CSGALNACT1: variants seen among roughly 807,000 people sequenced by gnomAD.
The protein encoded by CSGALNACT1 is chondroitin sulfate N-acetylgalactosaminyltransferase 1.
A neutral mutation model predicts 51.0 loss-of-function variants in CSGALNACT1; 52 were observed. The observed-to-expected ratio is 1.02, with a 90% CI of 0.82 to 1.29. CSGALNACT1 has a LOEUF of 1.29. Among genes scored for constraint, CSGALNACT1 ranks in the 50% most tolerant of loss-of-function variants. The pLI is 0.00. For missense variants in CSGALNACT1, 935 were observed against 679.2 expected, an observed-to-expected ratio of 1.38 and a Z score of -4.19; for synonymous variants, 341 against 254.4, an observed-to-expected ratio of 1.34 and a Z score of -3.24.
At chr8:19,601,360 C>A (rs1327624047) in intron 2 of CSGALNACT1, among the ~76,000 whole-genome samples, 2 of 152,162 alleles carry the variant, frequency 1.3e-5, no homozygotes, top group Non-Finnish European at 2.9e-5. Flanking sequence ...ATTAGAGTAC[C>A]TATTTGATGA....
At chr8:19,616,952 G>T (rs563631559) in intron 1 of CSGALNACT1, among the ~76,000 whole-genome samples, 1 of 152,160 alleles carries the variant, frequency 6.6e-6, no homozygotes, top group African/African-American at 2.4e-5. Flanking sequence ...CTCATTTCAC[G>T]TACTGTGCAC....
chr8:19,704,243 T>C lies in CSGALNACT1; in HGVS notation c.-297+53607A>G, dbSNP rs527396210. ...GCTGCCAAAGGAGAAAGAAGAAAGG[T>C]AACAGGGCATTTGAATCACAGACCC... On this transcript the variant is annotated intron_variant, in intron 1 of 1. Coordinates refer to the CSGALNACT1 transcript ENST00000517494. Among the ~76,000 whole-genome samples, 6 of 152,244 alleles carry C rather than the reference T, an allele frequency of 3.9e-5. No homozygotes were observed. In the East Asian group the frequency reaches 1.2e-3, roughly 29 times the overall value.
intron 4 of CSGALNACT1, among the ~76,000 whole-genome samples, chr8:19,490,872 G>A (rs1024162116): frequency 3.3e-5 from 5 of 152,112 alleles, no homozygotes; most frequent in Non-Finnish European, 1.5e-5. Context: ...TTCCCAGGCA[G>A]CAGGAAGGAA....
chr8:19,535,263 C>G (rs1254315778), intron 3 of CSGALNACT1, among the ~76,000 whole-genome samples: 1 of 152,038 alleles, frequency 6.6e-6, no homozygotes, highest in Non-Finnish European at 1.5e-5. Flanking sequence ...TCTCTAGAAG[C>G]CTGAAAATTT....
At chr8:19,701,826 G>A (rs1170909257) in intron 1 of CSGALNACT1, among the ~76,000 whole-genome samples, 2 of 152,120 alleles carry the variant, frequency 1.3e-5, no homozygotes, top group Non-Finnish European at 2.9e-5. Context: ...TCTGGTTCCA[G>A]AATCCATGCT....
At chr8:19,488,831 C>A (rs1440725999) in intron 4 of CSGALNACT1, among the ~76,000 whole-genome samples, 1 of 152,112 alleles carries the variant, frequency 6.6e-6, no homozygotes, top group Non-Finnish European at 1.5e-5. Context: ...GTATACCTGA[C>A]ACAATCAGTT....
At chr8:19,592,934 A>G (rs1312018454) in intron 2 of CSGALNACT1, among the ~76,000 whole-genome samples, 2 of 152,218 alleles carry the variant, frequency 1.3e-5, no homozygotes, top group Non-Finnish European at 2.9e-5. Flanking sequence ...TCTACTTTAC[A>G]TTGGGTTTAA....
At position 19,694,781 on chromosome 8, in the gene CSGALNACT1, G is replaced by A. The variant is rs147285560; in HGVS notation, c.-297+63069C>T. 2.3e-3 allele frequency among the ~76,000 whole-genome samples: 345 copies of A among 152,314 alleles called. 1 individual carries two copies. Among genetic ancestry groups the A allele is most frequent in the Non-Finnish European group, 3.0e-3 (201 of 68,026 alleles). ...CTTAAGGAAATGCAGGCAGCTACCT[G>A]AAGGTAAAGCACATTAATAAAAAGA... On this transcript the variant is annotated intron_variant, in intron 1 of 1. Coordinates refer to the CSGALNACT1 transcript ENST00000517494.
intron 8 of CSGALNACT1, among the ~76,000 whole-genome samples, chr8:19,411,292 G>C (rs1041245866): frequency 6.6e-6 from 1 of 152,190 alleles, no homozygotes; most frequent in African/African-American, 2.4e-5. Flanking sequence ...CTTCTGAAAT[G>C]ATCCCGTTGA....
chr8:19,665,584 G>A (rs1474590662), intron 1 of CSGALNACT1, among the ~76,000 whole-genome samples: 1 of 152,130 alleles, frequency 6.6e-6, no homozygotes, highest in Non-Finnish European at 1.5e-5. Flanking sequence ...ATCAGGCCCA[G>A]GAAGCCACGG....
intron 1 of CSGALNACT1, among the ~76,000 whole-genome samples, chr8:19,609,564 C>A (rs2051896457): frequency 6.8e-6 from 1 of 146,938 alleles, no homozygotes; most frequent in African/African-American, 2.5e-5. Flanking sequence ...GTAATTATGC[C>A]AAGGAAAAGA....
intron 1 of CSGALNACT1, among the ~76,000 whole-genome samples, chr8:19,709,622 G>C (rs1458877526): frequency 1.3e-5 from 2 of 152,334 alleles, no homozygotes; most frequent in East Asian, 1.9e-4. Flanking sequence ...CTGGAACCTA[G>C]AGGAAGGCCA....
intron 3 of CSGALNACT1, among the ~76,000 whole-genome samples, chr8:19,512,018 A>G (rs1367059395): frequency 6.6e-6 from 1 of 152,194 alleles, no homozygotes; most frequent in African/African-American, 2.4e-5. Flanking sequence ...CCCTCCCTCA[A>G]TACTGGGGAT....
intron 4 of CSGALNACT1, among the ~76,000 whole-genome samples, chr8:19,475,218 T>A (rs933745375): frequency 5.3e-5 from 8 of 151,930 alleles, no homozygotes; most frequent in African/African-American, 1.9e-4. Flanking sequence ...TATGGCACAA[T>A]CAGAAAAATG....
At chr8:19,447,236 G>A (rs2062293899) in intron 5 of CSGALNACT1, among the ~76,000 whole-genome samples, 1 of 152,168 alleles carries the variant, frequency 6.6e-6, no homozygotes, top group African/African-American at 2.4e-5. Flanking sequence ...AGCCACATGA[G>A]GAATGCATCT....
At chr8:19,563,889 C>T (rs946036090) in intron 3 of CSGALNACT1, among the ~76,000 whole-genome samples, 2 of 152,144 alleles carry the variant, frequency 1.3e-5, no homozygotes, top group African/African-American at 4.8e-5. Context: ...CCTCCCCAAC[C>T]CTAGACTCCC....
intron 6 of CSGALNACT1, among the ~76,000 whole-genome samples, chr8:19,428,840 TG>T: frequency 7.9e-6 from 1 of 127,074 alleles, no homozygotes; most frequent in Non-Finnish European, 1.7e-5. Flanking sequence ...TGTGTGTGTG[TG>T]TGTGTGTGTG....
At chr8:19,619,554 G>C (rs996436220) in intron 1 of CSGALNACT1, among the ~76,000 whole-genome samples, 1 of 152,138 alleles carries the variant, frequency 6.6e-6, no homozygotes, top group African/African-American at 2.4e-5. Context: ...TTACCCAACT[G>C]AGAAGGACTG....
intron 4 of CSGALNACT1, among the ~76,000 whole-genome samples, chr8:19,494,333 C>A (rs901311623): frequency 6.6e-6 from 1 of 152,204 alleles, no homozygotes; most frequent in Admixed American, 6.5e-5. Context: ...TTGGCCTACA[C>A]CAATTCTACA....
Sources: allele counts gnomAD v4.1 joint callset (sites outside exome capture counted in the v4.1 genomes callset), GRCh38; gene constraint gnomAD v4.1.1; transcripts MANE v1.5; gene names NCBI Gene and HGNC (gene_info 2026-07-23, HGNC 2026-07-21).